ISM1: variants seen among roughly 807,000 people sequenced by gnomAD.
The protein encoded by ISM1 is isthmin-1.
ISM1 carries 25 observed loss-of-function variants against 46.3 expected under a neutral mutation model. The ratio of observed to expected loss-of-function variants is 0.54; its 90% CI spans 0.39 to 0.75. The LOEUF (loss-of-function observed/expected upper bound fraction) is 0.75. Among genes scored for constraint, ISM1 ranks in the 30% least tolerant of loss-of-function variants. The probability of loss-of-function intolerance (pLI) is 0.00; values close to 1 mark genes in which losing one functional copy is unlikely to be tolerated. For missense variants in ISM1, 536 were observed against 625.4 expected (o/e 0.86, Z 1.52); for synonymous variants, 255 against 256.7 (o/e 0.99, Z 0.06).
chr20:13,312,079 A>T, the ISM1 span, among the ~76,000 whole-genome samples: 2 of 152,352 alleles, frequency 1.3e-5, no homozygotes, highest in African/African-American at 4.8e-5. Flanking sequence ...TAACTTTTTT[A>T]AAAGAACATA....
chr20:13,276,952 G>A lies in ISM1; in HGVS notation c.379-2682G>A, dbSNP rs368796515. ...TAGGGAAGGGTGCGGTGGATCCTAA[G>A]ATTTGTTGTTTTGTGTTTTGTTTTT... is the stretch of plus-strand genomic sequence containing the variant. On this transcript the variant is annotated intron_variant, in intron 2 of 5. Transcript: ENST00000262487. Among the ~76,000 whole-genome samples the A allele has an allele frequency of 7.7e-4, 118 of 152,268 alleles. 5 individuals are homozygous for A. In the South Asian group the frequency reaches 0.022, roughly 29 times the overall value.
At chr20:13,257,421 G>A (rs2039940736) in intron 1 of ISM1, among the ~76,000 whole-genome samples, 1 of 152,168 alleles carries the variant, frequency 6.6e-6, no homozygotes, top group South Asian at 2.1e-4. Context: ...GGAGGCTGAG[G>A]TGGGAGAATC....
chr20:13,262,281 C>G (rs1378472080), intron 1 of ISM1, among the ~76,000 whole-genome samples: 3 of 152,136 alleles, frequency 2.0e-5, no homozygotes, highest in African/African-American at 7.2e-5. Flanking sequence ...CCTTTATAGC[C>G]CTGAGCTGGT....
intron 4 of ISM1, among the ~76,000 whole-genome samples, 157 bp from the exon 5 acceptor site, chr20:13,292,217 G>A (rs1027251974): frequency 1.3e-5 from 2 of 152,154 alleles, no homozygotes; most frequent in Non-Finnish European, 2.9e-5. Context: ...ACTACGACCT[G>A]CTTTTTACTG....
chr20:13,302,267 G>A (rs2040464466), downstream of ISM1, among the ~76,000 whole-genome samples: 1 of 152,140 alleles, frequency 6.6e-6, no homozygotes. Context: ...TGGAAGGTGG[G>A]GTAAATTGGA....
At chr20:13,239,637 C>T (rs955158691) in intron 1 of ISM1, 5 of 152,166 alleles carry the variant, frequency 3.3e-5, no homozygotes, top group Admixed American at 6.5e-5. Flanking sequence ...CAGGTTGGAC[C>T]GGGGCTTCAT....
At chr20:13,261,458 A>T (rs1014895849) in intron 1 of ISM1, among the ~76,000 whole-genome samples, 4 of 151,866 alleles carry the variant, frequency 2.6e-5, no homozygotes, top group African/African-American at 9.7e-5. Context: ...AAGCTCAAAG[A>T]GTGTGGAAGC....
At chr20:13,250,048 A>G (rs2039849731) in intron 1 of ISM1, among the ~76,000 whole-genome samples, 1 of 152,196 alleles carries the variant, frequency 6.6e-6, no homozygotes, top group Non-Finnish European at 1.5e-5. Context: ...AAAAGCTCAC[A>G]GTGAACAGAA....
At chr20:13,226,251 T>C (rs2039524206) in intron 1 of ISM1, among the ~76,000 whole-genome samples, 2 of 152,362 alleles carry the variant, frequency 1.3e-5, no homozygotes, top group East Asian at 3.9e-4. Flanking sequence ...TAGCTTCTTG[T>C]ATTCACTGCT....
the ISM1 span, among the ~76,000 whole-genome samples, chr20:13,326,101 A>T: frequency 5.3e-5 from 8 of 152,224 alleles, no homozygotes; most frequent in African/African-American, 1.9e-4. Context: ...TTCGCTCAGC[A>T]TAAGGCCTTT....
chr20:13,311,283 A>AGATT, the ISM1 span, among the ~76,000 whole-genome samples: 4 of 151,332 alleles, frequency 2.6e-5, no homozygotes, highest in Non-Finnish European at 5.9e-5. Flanking sequence ...ATAGATAGAT[A>AGATT]ATAAAATATT....
chr20:13,260,057 T>C (rs2039970722), intron 1 of ISM1, among the ~76,000 whole-genome samples: 2 of 152,148 alleles, frequency 1.3e-5, no homozygotes, highest in African/African-American at 4.8e-5. Context: ...GAGCCCACAA[T>C]TGCATCAGCT....
chr20:13,271,566 G>T (rs1163300275), intron 2 of ISM1, among the ~76,000 whole-genome samples: 1 of 152,162 alleles, frequency 6.6e-6, no homozygotes, highest in East Asian at 1.9e-4. Context: ...TTACTGTTTG[G>T]TTTACCCAAA....
At position 13,246,180 on chromosome 20, in the gene ISM1, G is replaced by A. The variant is rs370480069; in HGVS notation, c.138+24266G>A. 2.2e-4 allele frequency among the ~76,000 whole-genome samples: 34 copies of A among 151,812 alleles called. No individual in the cohort carries two copies. The East Asian group carries it at 6.4e-3, about 29-fold the overall frequency. The stretch of plus-strand genomic sequence containing the variant: ...CCCAGCTACTCGGGAGGCTGAGGCA[G>A]CAGAATCACTTGAACCCAGGAGGCG... On this transcript the variant is annotated intron_variant, in intron 1 of 5. Coordinates refer to ENST00000262487, the MANE Select transcript of ISM1 (RefSeq NM_080826.2).
At chr20:13,278,390 G>C (rs1426043367) in intron 2 of ISM1, among the ~76,000 whole-genome samples, 1 of 152,172 alleles carries the variant, frequency 6.6e-6, no homozygotes, top group African/African-American at 2.4e-5. Flanking sequence ...TTGTAGCTGG[G>C]AAAGCCTCGT....
intron 2 of ISM1, among the ~76,000 whole-genome samples, chr20:13,277,730 G>T (rs910107505): frequency 6.6e-6 from 1 of 151,880 alleles, no homozygotes; most frequent in African/African-American, 2.4e-5. Context: ...CTGGAGTAAG[G>T]GTGGTGGCAT....
At chr20:13,224,155 T>C (rs906586891) in intron 1 of ISM1, among the ~76,000 whole-genome samples, 32 of 152,138 alleles carry the variant, frequency 2.1e-4, no homozygotes, top group Non-Finnish European at 2.6e-4. Flanking sequence ...TATCTTGTAA[T>C]AGTGTTCGGT....
the ISM1 span, among the ~76,000 whole-genome samples, chr20:13,319,606 T>A: frequency 5.9e-5 from 9 of 152,202 alleles, no homozygotes; most frequent in Admixed American, 5.9e-4. Flanking sequence ...TCTATCTCCT[T>A]TATTTGTCAA....
At chr20:13,251,647 A>T (rs1003261354) in intron 1 of ISM1, among the ~76,000 whole-genome samples, 7 of 152,318 alleles carry the variant, frequency 4.6e-5, no homozygotes, top group African/African-American at 1.7e-4. Flanking sequence ...AGCTAGAAAT[A>T]TATTTCCTTT....
Sources: gnomAD v4.1 joint callset for allele counts (sites outside exome capture counted in the v4.1 genomes callset) on GRCh38, gnomAD v4.1.1 for gene constraint, MANE v1.5 for transcripts, NCBI Gene and HGNC (gene_info 2026-07-23, HGNC 2026-07-21) for gene names.